Variants in CDKN2B-AS1 observed in about 807,000 individuals in gnomAD.
The protein encoded by CDKN2B-AS1 is CDKN2B and CDKN2A antisense cis and trans regulatory RNA 1, also known as CDKN2B antisense RNA 1 (non-protein coding).
chr9:22,085,781 T>C (rs1824851691), intron 4 of CDKN2B-AS1, among the ~76,000 whole-genome samples: 1 of 151,862 alleles, frequency 6.6e-6, no homozygotes, highest in Non-Finnish European at 1.5e-5. Context: ...GAGTCACTAC[T>C]GATCCTTGAC....
At chr9:22,034,688 T>C (rs1822612507) in intron 1 of CDKN2B-AS1, among the ~76,000 whole-genome samples, 1 of 152,040 alleles carries the variant, frequency 6.6e-6, no homozygotes, top group African/African-American at 2.4e-5. Context: ...TGGCAAACTT[T>C]TTCTATAGAG....
At chr9:22,041,524 G>T (rs1054278772) in intron 1 of CDKN2B-AS1, among the ~76,000 whole-genome samples, 90 of 151,988 alleles carry the variant, frequency 5.9e-4, no homozygotes, top group African/African-American at 2.2e-3. Context: ...ACATATAAAA[G>T]GGAACATTAA....
At chr9:22,096,465 T>A (rs1261923941) in intron 4 of CDKN2B-AS1, 1 of 152,206 alleles carries the variant, frequency 6.6e-6, no homozygotes. Context: ...TAACGCACTA[T>A]GGTATGGAAG....
intron 1 of CDKN2B-AS1, among the ~76,000 whole-genome samples, chr9:22,019,715 A>C (rs976084657): frequency 1.3e-5 from 2 of 152,214 alleles, no homozygotes; most frequent in African/African-American, 4.8e-5. Context: ...TAACAGCTGT[A>C]GTAATGCAAT....
intron 4 of CDKN2B-AS1, among the ~76,000 whole-genome samples, chr9:22,075,255 C>A (rs1824451536): frequency 6.6e-6 from 1 of 152,198 alleles, no homozygotes; most frequent in African/African-American, 2.4e-5. Flanking sequence ...TAGTTGAATT[C>A]TCTCAAGAGT....
chr9:22,044,363 A>G (rs1271592878), intron 1 of CDKN2B-AS1, among the ~76,000 whole-genome samples: 1 of 151,990 alleles, frequency 6.6e-6, no homozygotes, highest in Non-Finnish European at 1.5e-5. Context: ...GTTATCAAAC[A>G]ATTACTCTGA....
At chr9:22,008,656 T>G in intron 1 of CDKN2B-AS1, 1 of 1,604,040 alleles carries the variant, frequency 6.2e-7, no homozygotes, top group Admixed American at 1.7e-5. Flanking sequence ...AAAGCCTGTT[T>G]TACGCGTGGA....
At chr9:22,025,524 C>T (rs933344390) in intron 1 of CDKN2B-AS1, among the ~76,000 whole-genome samples, 2 of 151,974 alleles carry the variant, frequency 1.3e-5, no homozygotes, top group African/African-American at 2.4e-5. Flanking sequence ...AGGACCTGCT[C>T]GTTGAAGAGA....
chr9:22,102,136 G>T (rs1422365190), intron 4 of CDKN2B-AS1, among the ~76,000 whole-genome samples: 1 of 152,160 alleles, frequency 6.6e-6, no homozygotes, highest in Admixed American at 6.5e-5. Flanking sequence ...GCCGTATTGG[G>T]CTCATGGTAA....
At position 22,071,263 on chromosome 9, in the gene CDKN2B-AS1, G is replaced by A. The variant is rs147397811; in HGVS notation, n.438+14876G>A. On this transcript the variant is annotated intron_variant and non_coding_transcript_variant, in intron 4 of 4. Transcript: ENST00000650946. ...CAGGACCCAGATCTAATGACTCAGA[G>A]GCCAGGCTTAGAAATATCTAGCTTT... Among the ~76,000 whole-genome samples, 222 of 138,978 alleles carry A rather than the reference G, an allele frequency of 1.6e-3. 2 individuals carry two copies. The South Asian group carries it at 0.024, about 15-fold the overall frequency. The allele number at this position is 138,978 out of a possible 152,430, so 91.2% of individuals were successfully genotyped here. A position where few individuals can be genotyped will look rare whatever the true frequency, so the allele number is the denominator to read the frequency against.
chr9:22,119,967 T>C (rs1014722037), intron 4 of CDKN2B-AS1: 1 of 152,196 alleles, frequency 6.6e-6, no homozygotes, highest in Admixed American at 6.5e-5. Context: ...TGGGTTCAGC[T>C]AGACTTTCAT....
At chr9:22,036,794 A>G (rs1822704763) in intron 1 of CDKN2B-AS1, among the ~76,000 whole-genome samples, 1 of 152,120 alleles carries the variant, frequency 6.6e-6, no homozygotes, top group Non-Finnish European at 1.5e-5. Context: ...ATAGATGATC[A>G]TATCTACTTT....
chr9:22,085,403 C>A (rs1463034918), intron 4 of CDKN2B-AS1, among the ~76,000 whole-genome samples: 1 of 152,158 alleles, frequency 6.6e-6, no homozygotes, highest in Non-Finnish European at 1.5e-5. Context: ...CTTGTTCTGG[C>A]CCCACACCAA....
intron 4 of CDKN2B-AS1, among the ~76,000 whole-genome samples, chr9:22,097,923 C>T (rs190856218): frequency 5.7e-4 from 86 of 152,208 alleles, no homozygotes; most frequent in African/African-American, 1.9e-3. Context: ...TTTGTGGTTC[C>T]CTTTAGAAAG....
intron 4 of CDKN2B-AS1, among the ~76,000 whole-genome samples, chr9:22,087,331 G>A (rs559205718): frequency 6.6e-6 from 1 of 152,170 alleles, no homozygotes; most frequent in Non-Finnish European, 1.5e-5. Context: ...ACAAGTCTGA[G>A]GATACAATTA....
chr9:22,101,413 G>A (rs1047615245), intron 4 of CDKN2B-AS1, among the ~76,000 whole-genome samples: 1 of 151,648 alleles, frequency 6.6e-6, no homozygotes, highest in African/African-American at 2.4e-5. Context: ...TGTGATAAAT[G>A]GCCACAGAAG....
chr9:22,026,904 G>C (rs1822262835), intron 1 of CDKN2B-AS1, among the ~76,000 whole-genome samples: 2 of 152,166 alleles, frequency 1.3e-5, no homozygotes, highest in African/African-American at 4.8e-5. Flanking sequence ...GAGCAGTGTG[G>C]ATTCCCAGAG....
rs897893610 is a variant in CDKN2B-AS1, at chr9:21,996,650, T to G, written n.29+1489T>G. Among the ~76,000 whole-genome samples the G allele has an allele frequency of 6.6e-6, 1 of 151,624 alleles. No homozygotes were observed. Among genetic ancestry groups the G allele is most frequent in the Admixed American group, 6.6e-5 (1 of 15,248 alleles). The stretch of plus-strand genomic sequence containing the variant: ...TTTTATGGGTCTTCCTCTGCACCTA[T>G]GCCACGCCCCCAGCATTCCCCTCCT... On this transcript the variant is annotated intron_variant and non_coding_transcript_variant, in intron 1 of 4. Transcript: ENST00000650946. The surrounding 1 kb of genome is among the most constrained non-coding windows in gnomAD (Gnocchi z 5.4).
chr9:22,126,657 C>A (rs1396141664), intron 4 of CDKN2B-AS1, among the ~76,000 whole-genome samples: 1 of 144,688 alleles, frequency 6.9e-6, no homozygotes, highest in Non-Finnish European at 1.5e-5. Context: ...ACTGCAAACT[C>A]CGCCTCCGGA....
Sources: gnomAD v4.1 joint callset for allele counts (sites outside exome capture counted in the v4.1 genomes callset) on GRCh38, gnomAD v4.1.1 for gene constraint, Gnocchi (gnomAD v3.1) non-coding constraint, MANE v1.5 for transcripts, NCBI Gene and HGNC (gene_info 2026-07-23, HGNC 2026-07-21) for gene names.